The following ANKS1B variants were observed in gnomAD, a reference collection of about 807,000 sequenced individuals.
ANKS1B encodes ankyrin repeat and sterile alpha motif domain-containing protein 1B.
ANKS1B carries 36 observed loss-of-function variants against 148.3 expected under a neutral mutation model. That is an observed-to-expected ratio of 0.24 (90% CI 0.19 to 0.32). The LOEUF is 0.32. Ranked by LOEUF, ANKS1B falls within the 10% of genes least tolerant of loss-of-function variation. ANKS1B has a pLI of 1.00. For missense variants in ANKS1B, 1,157 were observed against 1,542.6 expected, an observed-to-expected ratio of 0.75 and a Z score of 4.19; for synonymous variants, 542 against 560.8, an observed-to-expected ratio of 0.97 and a Z score of 0.47.
At chr12:99,626,995 C>T (rs1466148660) in intron 9 of ANKS1B, among the ~76,000 whole-genome samples, 8 of 152,100 alleles carry the variant, frequency 5.3e-5, no homozygotes, top group African/African-American at 1.9e-4. Context: ...ACCACTTTCC[C>T]TTTTCTCTCA....
chr12:98,876,434 C>T (rs889611506), intron 17 of ANKS1B, among the ~76,000 whole-genome samples: 29 of 152,182 alleles, frequency 1.9e-4, no homozygotes, highest in Admixed American at 6.5e-5. Context: ...GCCAATGCAC[C>T]TTGTAATCTA....
intron 10 of ANKS1B, among the ~76,000 whole-genome samples, chr12:99,502,279 G>C (rs544305466): frequency 6.6e-6 from 1 of 151,836 alleles, no homozygotes; most frequent in African/African-American, 2.4e-5. Context: ...TCTCTCTTAC[G>C]GAAAAGGAAA....
chr12:98,965,573 A>C (rs1483597796), intron 17 of ANKS1B, among the ~76,000 whole-genome samples: 1 of 152,180 alleles, frequency 6.6e-6, no homozygotes, highest in East Asian at 1.9e-4. Flanking sequence ...TGAAAACACT[A>C]TTATTTATCT....
chr12:99,464,182 G>C (rs1186092812), intron 10 of ANKS1B, among the ~76,000 whole-genome samples: 3 of 152,232 alleles, frequency 2.0e-5, no homozygotes, highest in South Asian at 4.1e-4. Context: ...AGGCAAACAG[G>C]GTCTGGAGTG....
chr12:99,559,424 A>G (rs2097310028), intron 9 of ANKS1B, among the ~76,000 whole-genome samples: 2 of 152,210 alleles, frequency 1.3e-5, no homozygotes, highest in East Asian at 1.9e-4. Flanking sequence ...ATCAGTGATG[A>G]CCATTAGTTT....
rs781231663 is a variant in ANKS1B at position 99,042,010 on chromosome 12, CAACAA to C, written c.2778+11142_2778+11146del. On this transcript the variant is annotated intron_variant, in intron 17 of 26. Coordinates refer to ENST00000683438, the MANE Select transcript of ANKS1B (RefSeq NM_001352186.2). ...GTGAGACCCTGTCTCGAAACAACAA[CAACAA>C]AACAAAACAAAACAAAATAAAACAA... Among the ~76,000 whole-genome samples the C allele has an allele frequency of 1.4e-3, 207 of 151,848 alleles. 1 individual carries two copies. The highest frequency in any genetic ancestry group is 2.2e-3 in the Non-Finnish European group (152 of 67,948).
intron 8 of ANKS1B, among the ~76,000 whole-genome samples, chr12:99,748,396 T>C (rs921476498): frequency 6.6e-5 from 10 of 151,030 alleles, no homozygotes; most frequent in Non-Finnish European, 1.5e-4. Context: ...TAAAATTGGC[T>C]TGAGAACTAT....
intron 10 of ANKS1B, among the ~76,000 whole-genome samples, chr12:99,449,247 C>T (rs575166257): frequency 2.0e-5 from 3 of 152,176 alleles, no homozygotes; most frequent in East Asian, 3.9e-4. Context: ...AAAGTCTTTA[C>T]GGATCCATTT....
intron 16 of ANKS1B, among the ~76,000 whole-genome samples, chr12:99,074,645 G>A (rs557048384): frequency 6.6e-6 from 1 of 152,282 alleles, no homozygotes; most frequent in East Asian, 1.9e-4. Flanking sequence ...CAGGAAGCAT[G>A]AATCTCACCC....
At chr12:99,152,080 A>T (rs1436616744) in intron 15 of ANKS1B, among the ~76,000 whole-genome samples, 1 of 152,186 alleles carries the variant, frequency 6.6e-6, no homozygotes, top group African/African-American at 2.4e-5. Flanking sequence ...TGTTTCTTAG[A>T]GCAAGCCAAT....
At chr12:98,790,831 C>G (rs770101155) in intron 22 of ANKS1B, among the ~76,000 whole-genome samples, 24 of 152,242 alleles carry the variant, frequency 1.6e-4, no homozygotes, top group Middle Eastern at 3.4e-3. Context: ...AGAAGAGACT[C>G]AATCAATCAA....
chr12:99,884,875 G>A (rs1236897705), intron 1 of ANKS1B, among the ~76,000 whole-genome samples: 1 of 151,592 alleles, frequency 6.6e-6, no homozygotes, highest in Non-Finnish European at 1.5e-5. Context: ...ACCAAAAACA[G>A]TAAATTTTAT....
At chr12:99,733,717 T>C (rs1037380926) in intron 8 of ANKS1B, among the ~76,000 whole-genome samples, 12 of 152,182 alleles carry the variant, frequency 7.9e-5, no homozygotes, top group Non-Finnish European at 1.3e-4. Context: ...ACTCACCCAA[T>C]GCACTAATTA....
chr12:99,346,874 A>T (rs889714795), intron 12 of ANKS1B, among the ~76,000 whole-genome samples: 1 of 151,910 alleles, frequency 6.6e-6, no homozygotes, highest in Non-Finnish European at 1.5e-5. Flanking sequence ...AAAGGTTTGC[A>T]GCAACCAAGA....
At chr12:98,769,046 T>A (rs1029110529) in intron 25 of ANKS1B, among the ~76,000 whole-genome samples, 6 of 152,056 alleles carry the variant, frequency 3.9e-5, no homozygotes, top group African/African-American at 1.4e-4. Context: ...CATAAAAACA[T>A]GTGACCCATA....
intron 10 of ANKS1B, among the ~76,000 whole-genome samples, chr12:99,458,385 C>A (rs2095881201): frequency 6.8e-6 from 1 of 146,736 alleles, no homozygotes; most frequent in East Asian, 2.0e-4. Flanking sequence ...GAACCAAACC[C>A]AAATCTAGAA....
intron 9 of ANKS1B, among the ~76,000 whole-genome samples, chr12:99,523,769 G>T (rs954534895): frequency 1.3e-5 from 2 of 151,714 alleles, no homozygotes; most frequent in African/African-American, 2.4e-5. Flanking sequence ...AGCCAGGATG[G>T]TCTCAATCTC....
chr12:99,711,052 CA>C (rs1302197437), intron 8 of ANKS1B, among the ~76,000 whole-genome samples: 1 of 152,096 alleles, frequency 6.6e-6, no homozygotes, highest in Non-Finnish European at 1.5e-5. Flanking sequence ...AGAATCTATC[CA>C]ACTTCCTTAT....
chr12:99,252,004 ATAAT>A (rs992130835), intron 12 of ANKS1B, among the ~76,000 whole-genome samples: 6 of 152,220 alleles, frequency 3.9e-5, no homozygotes. Context: ...AAGAAATGCT[ATAAT>A]TTCTGATGAT....
Sources: gnomAD v4.1 joint callset for allele counts (sites outside exome capture counted in the v4.1 genomes callset) on GRCh38, gnomAD v4.1.1 for gene constraint, MANE v1.5 for transcripts, NCBI Gene and HGNC (gene_info 2026-07-23, HGNC 2026-07-21) for gene names.